The following RP2 variants were observed in gnomAD, a reference collection of about 807,000 sequenced individuals.
RP2 encodes the protein RP2 activator of ARL3 GTPase.
In RP2, 3 loss-of-function variants were observed where a neutral mutation model predicts 20.3. That is an observed-to-expected ratio of 0.15 (90% confidence interval 0.07 to 0.38). The LOEUF (loss-of-function observed/expected upper bound fraction) is 0.38. Among genes scored for constraint, RP2 ranks in the 10% least tolerant of loss-of-function variants. The pLI, the probability that RP2 is intolerant of heterozygous loss-of-function variation, is 1.00. For missense variants in RP2, 233 were observed against 268.5 expected (o/e 0.87, Z 0.92); for synonymous variants, 75 against 94.8 (o/e 0.79, Z 1.22).
intron 2 of RP2, among the ~76,000 whole-genome samples, chrX:46,856,248 C>T (rs1237666914): frequency 1.8e-5 from 2 of 111,357 alleles, no homozygotes; most frequent in African/African-American, 6.5e-5. Flanking sequence ...AAAGAAAAAG[C>T]CATCAAAACA....
chrX:46,845,543 T>C (rs1231735453), intron 1 of RP2, among the ~76,000 whole-genome samples: 1 of 111,747 alleles, frequency 8.9e-6, no homozygotes, highest in African/African-American at 3.2e-5. Context: ...CCAATCAAGA[T>C]ATAAAATGGT....
chrX:46,838,269 T>C (rs1266112992), intron 1 of RP2, among the ~76,000 whole-genome samples: 2 of 112,362 alleles, frequency 1.8e-5, no homozygotes, highest in Non-Finnish European at 3.8e-5. Flanking sequence ...AGTTAGGAAA[T>C]TGAAAGCTTT....
At chrX:46,848,494 C>A (rs1375231830) in intron 1 of RP2, among the ~76,000 whole-genome samples, 5 of 106,044 alleles carry the variant, frequency 4.7e-5, no homozygotes, top group Non-Finnish European at 9.7e-5. Flanking sequence ...AGCGATTCTC[C>A]TGCCTCAGCC....
At chrX:46,846,412 A>AC (rs1242473258) in intron 1 of RP2, among the ~76,000 whole-genome samples, 1 of 109,557 alleles carries the variant, frequency 9.1e-6, no homozygotes, top group African/African-American at 3.3e-5. Context: ...ACATAGTGAG[A>AC]CCCCACCTCT....
In RP2 at chrX:46,837,147, G is replaced by T; in HGVS notation, c.47G>T (p.Arg16Leu). 1 of 1,171,341 alleles carries T rather than the reference G, an allele frequency of 8.5e-7. No homozygotes were observed. Among genetic ancestry groups the T allele is most frequent in the Non-Finnish European group, 1.1e-6 (1 of 874,998 alleles). Residue 16 changes from arginine to leucine, a missense_variant, in exon 1 of 5, where the codon CGG becomes CTG. Physicochemically the swap from Arg to Leu is moderately radical, Grantham distance 102. Transcript: ENST00000218340. ...SKRRKADKES[R>L]PENEEERPKQ... Reference sequence around the variant, plus strand: ...AGACGGAAGGCTGACAAGGAGTCGCGGCCCGAGAACGAGGAGGAGCGGCCA... The same window carrying T: ...AGACGGAAGGCTGACAAGGAGTCGCTGCCCGAGAACGAGGAGGAGCGGCCA...
At chrX:46,868,138 C>T (rs782316086) in intron 3 of RP2, among the ~76,000 whole-genome samples, 1 of 112,047 alleles carries the variant, frequency 8.9e-6, no homozygotes, top group Non-Finnish European at 1.9e-5. Context: ...CTAGCATTTG[C>T]TATTGTCAGT....
intron 2 of RP2, among the ~76,000 whole-genome samples, chrX:46,858,678 G>A (rs1925011962): frequency 1.8e-5 from 2 of 110,023 alleles, no homozygotes; most frequent in Admixed American, 2.0e-4. Context: ...TTGCTGTGTT[G>A]CCCAGGCTGG....
At chrX:46,851,445 C>T (rs911301897) in intron 1 of RP2, among the ~76,000 whole-genome samples, 35 of 107,327 alleles carry the variant, frequency 3.3e-4, no homozygotes, top group African/African-American at 9.9e-4. Context: ...AAGACCAGCC[C>T]GGCTAACATG....
intron 3 of RP2, among the ~76,000 whole-genome samples, chrX:46,871,065 T>C (rs1556326212): frequency 1.1e-5 from 1 of 94,073 alleles, no homozygotes; most frequent in African/African-American, 4.0e-5. Flanking sequence ...GGAGTTTTGC[T>C]CTCGTCACCC....
chrX:46,842,468 CTA>C (rs1369963487), intron 1 of RP2, among the ~76,000 whole-genome samples: 4 of 111,426 alleles, frequency 3.6e-5, no homozygotes, highest in Non-Finnish European at 7.5e-5. Context: ...ATGCATACTA[CTA>C]TTATTATATA....
At position 46,846,399 on chromosome X, in the gene RP2, G is replaced by A. The variant is rs375290120; in HGVS notation, c.103-7077G>A. Among the ~76,000 whole-genome samples the A allele has an allele frequency of 2.1e-4, 23 of 110,071 alleles. 1 individual carries two copies. The East Asian group carries it at 3.8e-3, about 18-fold the overall frequency. Reference sequence around the variant, plus strand: ...GGCCAGGAGTTCAAGACCCGCTTGGGCAACATAGTGAGACCCCACCTCTAC... The same window carrying A: ...GGCCAGGAGTTCAAGACCCGCTTGGACAACATAGTGAGACCCCACCTCTAC... On this transcript the variant is annotated intron_variant, in intron 1 of 4. Transcript: ENST00000218340.
At chrX:46,873,478 T>C (rs1431214769) in intron 3 of RP2, among the ~76,000 whole-genome samples, 1 of 112,487 alleles carries the variant, frequency 8.9e-6, no homozygotes, top group Non-Finnish European at 1.9e-5. Flanking sequence ...CAAATAGTAG[T>C]GTTTAACAAG....
At chrX:46,865,494 G>A (rs140087953) in intron 3 of RP2, among the ~76,000 whole-genome samples, 446 of 112,079 alleles carry the variant, frequency 4.0e-3, no homozygotes, top group African/African-American at 0.014. Flanking sequence ...TTTCTCTGCC[G>A]TAAAGTTTCC....
In RP2 at chrX:46,837,053, A is replaced by G. The variant is rs1924516674; in HGVS notation, c.-48A>G. The G allele has an allele frequency of 8.9e-7, 1 of 1,124,204 alleles. No individual in the cohort carries two copies. The highest frequency in any genetic ancestry group is 1.2e-6 in the Non-Finnish European group (1 of 833,251). 92.6% of individuals were successfully genotyped at this position (1,124,204 alleles called of 1,213,427 possible). ...CCCAGGGTTCACGCCACACTCTAGG[A>G]AGTGCCTGAGCTAGTGAGCTGGCCA... is the stretch of plus-strand genomic sequence containing the variant. On this transcript the variant is annotated 5_prime_UTR_variant, in exon 1 of 5. Coordinates refer to ENST00000218340, the MANE Select transcript of RP2 (RefSeq NM_006915.3).
At chrX:46,840,085 C>G (rs1422956304) in intron 1 of RP2, among the ~76,000 whole-genome samples, 2 of 112,134 alleles carry the variant, frequency 1.8e-5, no homozygotes, top group Non-Finnish European at 3.8e-5. Context: ...TCAAGCGATT[C>G]TCCAGCCTCA....
At chrX:46,847,493 C>T (rs782611712) in intron 1 of RP2, among the ~76,000 whole-genome samples, 32 of 105,808 alleles carry the variant, frequency 3.0e-4, no homozygotes, top group African/African-American at 9.3e-4. Context: ...TACAGTGGCG[C>T]GATCTCGGTT....
rs373890212 is a variant in RP2 at position 46,870,253 on chromosome X, T to G, written c.884-7252T>G. Among the ~76,000 whole-genome samples, 98 of 110,791 alleles carry G rather than the reference T, an allele frequency of 8.8e-4. 1 individual carries two copies. In the South Asian group the frequency reaches 0.035, roughly 40 times the overall value. ...CTCGCAAGGAGCTAGGACTACAGGT[T>G]CACTCCACCATGCCCAGCTATTTTT... On this transcript the variant is annotated intron_variant, in intron 3 of 4. Transcript: ENST00000218340.
intron 1 of RP2, among the ~76,000 whole-genome samples, chrX:46,851,022 G>A (rs188734457): frequency 1.3e-3 from 142 of 111,813 alleles, no homozygotes; most frequent in Admixed American, 2.9e-3. Flanking sequence ...CTGCAGACCA[G>A]TGTTCCTCCT....
At chrX:46,843,101 G>A (rs1924654417) in intron 1 of RP2, among the ~76,000 whole-genome samples, 2 of 105,669 alleles carry the variant, frequency 1.9e-5, no homozygotes, top group African/African-American at 6.9e-5. Flanking sequence ...TCCGCCTCCC[G>A]GGTTCACGCC....
Sources: allele counts gnomAD v4.1 joint callset (sites outside exome capture counted in the v4.1 genomes callset), GRCh38; gene constraint gnomAD v4.1.1; transcripts MANE v1.5; gene names NCBI Gene and HGNC (gene_info 2026-07-23, HGNC 2026-07-21).